PCDHGA1: variants seen among roughly 807,000 people sequenced by gnomAD.
PCDHGA1 encodes protocadherin gamma-A1.
Under a neutral mutation model 58.0 loss-of-function variants are expected in PCDHGA1, and 32 were observed. That is an observed-to-expected ratio of 0.55 (90% CI 0.42 to 0.74). The LOEUF (loss-of-function observed/expected upper bound fraction) is 0.74. PCDHGA1 is among the 30% of genes least tolerant of loss of function. PCDHGA1 has a pLI of 0.00. For synonymous variants in PCDHGA1, 498 were observed against 501.1 expected (o/e 0.99, Z 0.08); for missense variants, 1,205 against 1,182.3 (o/e 1.02, Z -0.28).
chr5:141,351,159 AT>A, intron 1 of PCDHGA1: 1 of 1,614,042 alleles, frequency 6.2e-7, no homozygotes, highest in South Asian at 1.1e-5. Context: ...ATCACAACCA[AT>A]GGCACATTGG....
rs760367783 is a variant in PCDHGA1 at position 141,394,819 on chromosome 5, C to T, written c.2421+61714C>T. The T allele has an allele frequency of 2.5e-6, 4 of 1,613,890 alleles. No individual in the cohort carries two copies. In the South Asian group the frequency reaches 4.4e-5, roughly 18 times the overall value. On this transcript the variant is annotated intron_variant, in intron 1 of 3. Transcript: ENST00000517417. ...ACCGTAGCCGTGGCTGACAGCATCCCCGAAGTCCTGACCGAGTTGGGCAGT... is the reference window on the plus strand; with the variant it reads ...ACCGTAGCCGTGGCTGACAGCATCCTCGAAGTCCTGACCGAGTTGGGCAGT...
intron 1 of PCDHGA1, among the ~76,000 whole-genome samples, chr5:141,473,661 G>T (rs935648567): frequency 2.6e-5 from 4 of 152,172 alleles, no homozygotes; most frequent in Non-Finnish European, 4.4e-5. Context: ...TTGTGTGAAG[G>T]CCCTGAGACA....
intron 1 of PCDHGA1, among the ~76,000 whole-genome samples, chr5:141,434,982 A>G (rs908716553): frequency 3.3e-5 from 5 of 152,084 alleles, no homozygotes; most frequent in East Asian, 1.9e-4. Flanking sequence ...TTAATACTCT[A>G]TATCATTTTC....
At chr5:141,364,596 G>C (rs1763432941) in intron 1 of PCDHGA1, 1 of 1,614,090 alleles carries the variant, frequency 6.2e-7, no homozygotes, top group Non-Finnish European at 8.5e-7. Context: ...ACCGCGGGCA[G>C]GATAGACCGG....
chr5:141,351,539 GC>G, intron 1 of PCDHGA1: 1 of 1,614,024 alleles, frequency 6.2e-7, no homozygotes, highest in Non-Finnish European at 8.5e-7. Context: ...GGGCAAACCA[GC>G]CCTTTCCTCC....
intron 1 of PCDHGA1, chr5:141,399,850 C>G (rs768366007): frequency 1.2e-6 from 2 of 1,612,828 alleles, no homozygotes; most frequent in Non-Finnish European, 1.7e-6. Context: ...CGATATGGTG[C>G]CGCGCGCTGC....
At chr5:141,351,673 C>A in intron 1 of PCDHGA1, 3 of 1,614,004 alleles carry the variant, frequency 1.9e-6, no homozygotes, top group South Asian at 1.1e-5. Flanking sequence ...CACAAGTAAG[C>A]GCCTCCGACC....
Position 141,486,294 on chromosome 5 carries a change from T to C in PCDHGA1, c.2422-8513T>C, listed in dbSNP as rs764106041. The C allele has an allele frequency of 1.2e-6, 2 of 1,614,036 alleles. No homozygotes were observed. The highest frequency in any genetic ancestry group is 1.7e-6 in the Non-Finnish European group (2 of 1,179,998). On this transcript the variant is annotated intron_variant, in intron 1 of 3. Transcript: ENST00000517417. The surrounding 1 kb of genome is among the most constrained non-coding windows in gnomAD (Gnocchi z 5.0). ...GGCACTGTGGTGGCACTTATCAGTG[T>C]GCAGGATCCAGACTCAGGGTCAAAC...
At chr5:141,418,806 C>A in intron 1 of PCDHGA1, 1 of 1,613,696 alleles carries the variant, frequency 6.2e-7, no homozygotes, top group Non-Finnish European at 8.5e-7. Context: ...GAAAGATATA[C>A]GATAAACATA....
At position 141,490,370 on chromosome 5, in the gene PCDHGA1, G is replaced by C. The variant is rs768474199; in HGVS notation, c.2422-4437G>C. ...GTGGGGTTGTTTAATGTGCGAGACC[G>C]GGACTCAGGTAGAAATGGTGAAGTG... On this transcript the variant is annotated intron_variant, in intron 1 of 3. Coordinates refer to ENST00000517417, the MANE Select transcript of PCDHGA1 (RefSeq NM_018912.3). The surrounding 1 kb of genome is among the most constrained non-coding windows in gnomAD (Gnocchi z 5.4). 1 of 1,614,172 alleles carries C rather than the reference G, an allele frequency of 6.2e-7. No individual in the cohort carries two copies. Among genetic ancestry groups the C allele is most frequent in the Admixed American group, 1.7e-5 (1 of 60,026 alleles).
In PCDHGA1 at chr5:141,432,856, G is replaced by C; in HGVS notation, c.2422-61951G>C. 1 of 1,614,142 alleles carries C rather than the reference G, an allele frequency of 6.2e-7. No homozygotes were observed. The highest frequency in any genetic ancestry group is 1.7e-5 in the Admixed American group (1 of 60,030). On this transcript the variant is annotated intron_variant, in intron 1 of 3. Coordinates refer to ENST00000517417, the MANE Select transcript of PCDHGA1 (RefSeq NM_018912.3). This position sits in a 1 kb window ranked among gnomAD's most constrained non-coding sequence, Gnocchi z 6.0. Reference sequence around the variant, plus strand: ...TGTACCTGGTGGTAGCGGTGGCCGCGGTCTCCTGCGTCTTCCTGGCCTTCG... The same window carrying C: ...TGTACCTGGTGGTAGCGGTGGCCGCCGTCTCCTGCGTCTTCCTGGCCTTCG...
In PCDHGA1 at chr5:141,331,072, A is replaced by T. The variant is rs745546207; in HGVS notation, c.388A>T (p.Thr130Ser). The T allele has an allele frequency of 2.6e-5, 42 of 1,613,916 alleles. No homozygotes were observed. The highest frequency in any genetic ancestry group is 3.4e-5 in the Non-Finnish European group (40 of 1,179,994). Residue 130 changes from threonine (T) to serine (S), a missense_variant, in exon 1 of 4, where the codon ACT becomes TCT. Thr to Ser is a moderately conservative substitution (Grantham distance 58). Transcript: ENST00000517417. ...EVEIIDINDN[T>S]PQFQLEELEF... Reference sequence around the variant, plus strand: ...AGAAATAATTGATATTAATGACAACACTCCCCAATTCCAGTTAGAGGAACT... The same window carrying T: ...AGAAATAATTGATATTAATGACAACTCTCCCCAATTCCAGTTAGAGGAACT...
At chr5:141,346,028 C>T (rs1284650438) in intron 1 of PCDHGA1, 4 of 1,613,330 alleles carry the variant, frequency 2.5e-6, no homozygotes, top group South Asian at 2.2e-5. Context: ...TGGCCGTGGC[C>T]GACAGGATCC....
At chr5:141,404,479 A>C in intron 1 of PCDHGA1, 1 of 1,613,750 alleles carries the variant, frequency 6.2e-7, no homozygotes, top group South Asian at 1.1e-5. Context: ...CTATTAACTC[A>C]GACACTGGTG....
chr5:141,363,958 G>C (rs1763125463), intron 1 of PCDHGA1, among the ~76,000 whole-genome samples: 1 of 152,214 alleles, frequency 6.6e-6, no homozygotes, highest in Non-Finnish European at 1.5e-5. Context: ...CTCAGGGATT[G>C]TGGAAGTCTT....
chr5:141,382,893 G>A (rs1778536520), intron 1 of PCDHGA1: 1 of 1,534,786 alleles, frequency 6.5e-7, no homozygotes, highest in African/African-American at 1.4e-5. Flanking sequence ...AGAGAAGCAG[G>A]ACGACTATGG....
At chr5:141,474,106 A>G (rs1334111464) in intron 1 of PCDHGA1, among the ~76,000 whole-genome samples, 1 of 152,108 alleles carries the variant, frequency 6.6e-6, no homozygotes, top group African/African-American at 2.4e-5. Flanking sequence ...CAACAAAAAC[A>G]ACAACAACGA....
At chr5:141,409,324 G>C (rs759596277) in intron 1 of PCDHGA1, 1 of 1,614,000 alleles carries the variant, frequency 6.2e-7, no homozygotes, top group East Asian at 2.2e-5. Context: ...CACGGGATCT[G>C]GATTTCGGAG....
chr5:141,443,309 C>T (rs2098379780), intron 1 of PCDHGA1, among the ~76,000 whole-genome samples: 1 of 131,436 alleles, frequency 7.6e-6, no homozygotes, highest in African/African-American at 3.4e-5. Flanking sequence ...GGCAAAAACC[C>T]ATCTCTACAA....
Sources: allele counts gnomAD v4.1 joint callset (sites outside exome capture counted in the v4.1 genomes callset), GRCh38; gene constraint gnomAD v4.1.1; non-coding constraint Gnocchi (gnomAD v3.1); transcripts MANE v1.5; gene names NCBI Gene and HGNC (gene_info 2026-07-23, HGNC 2026-07-21).